SPOCK1: variants seen among roughly 807,000 people sequenced by gnomAD.
SPOCK1 encodes testican-1.
A neutral mutation model predicts 55.3 loss-of-function variants in SPOCK1; 23 were observed. The observed-to-expected ratio is 0.42, with a 90% CI of 0.30 to 0.59. SPOCK1 has a LOEUF of 0.59. Among genes scored for constraint, SPOCK1 ranks in the 20% least tolerant of loss-of-function variants. The pLI is 0.22. For synonymous variants in SPOCK1, 226 were observed against 221.0 expected (o/e 1.02, Z -0.20); for missense variants, 499 against 552.5 (o/e 0.90, Z 0.97).
chr5:137,460,118 T>A (rs929664151), intron 2 of SPOCK1, among the ~76,000 whole-genome samples: 1 of 152,126 alleles, frequency 6.6e-6, no homozygotes, highest in Non-Finnish European at 1.5e-5. Flanking sequence ...ATTCACTGAA[T>A]TGAATTAGTT....
intron 2 of SPOCK1, among the ~76,000 whole-genome samples, chr5:137,433,310 T>G (rs6896960): frequency 0.016 from 2,371 of 148,814 alleles, 69 homozygotes; most frequent in African/African-American, 0.056. Flanking sequence ...TAGAGGGAAC[T>G]GTACATTAGG....
Position 137,495,925 on chromosome 5 carries a change from AT to A in SPOCK1, c.186+2447del, listed in dbSNP as rs553791579. 6.2e-4 allele frequency among the ~76,000 whole-genome samples: 95 copies of A among 152,254 alleles called. 1 individual carries two copies. Among genetic ancestry groups the A allele is most frequent in the Non-Finnish European group, 1.2e-3 (82 of 68,014 alleles). On this transcript the variant is annotated intron_variant, in intron 2 of 10. Coordinates refer to ENST00000394945, the MANE Select transcript of SPOCK1 (RefSeq NM_004598.4). ...TGGGTGATGAATGAAGAAGTTTGGG[AT>A]TTTTTTGAACATTTTTAGATGTTTT...
intron 6 of SPOCK1, among the ~76,000 whole-genome samples, chr5:137,021,163 A>G (rs983855434): frequency 7.2e-5 from 11 of 152,260 alleles, no homozygotes; most frequent in African/African-American, 2.6e-4. Flanking sequence ...CATCAAAAGT[A>G]TATGTTCTTG....
intron 3 of SPOCK1, among the ~76,000 whole-genome samples, chr5:137,246,981 C>T (rs1047999769): frequency 3.3e-5 from 5 of 152,204 alleles, no homozygotes; most frequent in Admixed American, 2.6e-4. Flanking sequence ...ATCAGCATTA[C>T]AGCACATACC....
chr5:136,988,376 C>T, intron 8 of SPOCK1, 46 bp downstream of exon 8: 2 of 1,544,438 alleles, frequency 1.3e-6, no homozygotes, highest in Non-Finnish European at 1.8e-6. Flanking sequence ...TCTGCTCCAG[C>T]AAGGCTGCCC....
intron 6 of SPOCK1, among the ~76,000 whole-genome samples, chr5:137,014,203 C>T (rs908077176): frequency 6.6e-6 from 1 of 152,056 alleles, no homozygotes; most frequent in Non-Finnish European, 1.5e-5. Context: ...CTGTTTTTGC[C>T]ATGGGATATG....
At chr5:137,271,282 G>A (rs1320470982) in intron 2 of SPOCK1, among the ~76,000 whole-genome samples, 1 of 151,116 alleles carries the variant, frequency 6.6e-6, no homozygotes, top group Non-Finnish European at 1.5e-5. Context: ...TCGATGGCTG[G>A]TGCAAAGGAA....
intron 6 of SPOCK1, among the ~76,000 whole-genome samples, chr5:137,013,069 CAGAG>C (rs751587702): frequency 6.6e-6 from 1 of 152,016 alleles, no homozygotes. Flanking sequence ...AAGAGAGACA[CAGAG>C]AGAGAGACAG....
chr5:137,186,339 C>T (rs775657211), intron 3 of SPOCK1, among the ~76,000 whole-genome samples: 5 of 152,140 alleles, frequency 3.3e-5, no homozygotes, highest in Non-Finnish European at 5.9e-5. Flanking sequence ...TGCATAGGCC[C>T]GTTTGGGGTA....
At chr5:136,994,783 A>G (rs1751010248) in intron 6 of SPOCK1, among the ~76,000 whole-genome samples, 1 of 151,852 alleles carries the variant, frequency 6.6e-6, no homozygotes, top group Non-Finnish European at 1.5e-5. Context: ...GAGGCAGTGG[A>G]TCACCTGAGG....
chr5:137,354,430 C>A (rs1199211533), intron 2 of SPOCK1, among the ~76,000 whole-genome samples: 3 of 152,088 alleles, frequency 2.0e-5, no homozygotes, highest in Non-Finnish European at 4.4e-5. Context: ...TCCCTTGACC[C>A]CCCCAGGCAG....
At chr5:137,453,542 T>A (rs1753299401) in intron 2 of SPOCK1, among the ~76,000 whole-genome samples, 1 of 152,302 alleles carries the variant, frequency 6.6e-6, no homozygotes, top group South Asian at 2.1e-4. Flanking sequence ...TTGTCCGCAA[T>A]TTTCTATTTC....
At chr5:137,373,248 C>T (rs1343954782) in intron 2 of SPOCK1, among the ~76,000 whole-genome samples, 1 of 152,176 alleles carries the variant, frequency 6.6e-6, no homozygotes, top group Non-Finnish European at 1.5e-5. Flanking sequence ...ACCAACTGTA[C>T]TGTGAGTAAA....
chr5:137,319,100 A>C (rs542150716), intron 2 of SPOCK1, among the ~76,000 whole-genome samples: 6 of 152,218 alleles, frequency 3.9e-5, no homozygotes, highest in Non-Finnish European at 8.8e-5. Context: ...CCTCAGAGAA[A>C]AGAGGAGGCA....
intron 3 of SPOCK1, among the ~76,000 whole-genome samples, chr5:137,222,216 A>G (rs762296617): frequency 6.6e-6 from 1 of 152,218 alleles, no homozygotes; most frequent in Non-Finnish European, 1.5e-5. Context: ...GAGTACACTA[A>G]GAAGATCTGT....
intron 5 of SPOCK1, among the ~76,000 whole-genome samples, chr5:137,078,950 G>T (rs886766832): frequency 3.3e-5 from 5 of 152,128 alleles, no homozygotes; most frequent in African/African-American, 1.2e-4. Context: ...CCAGAGATCT[G>T]TACCCCACAT....
intron 5 of SPOCK1, among the ~76,000 whole-genome samples, chr5:137,093,700 A>T (rs567906366): frequency 7.9e-5 from 12 of 152,320 alleles, no homozygotes; most frequent in Admixed American, 7.8e-4. Flanking sequence ...CAGTCCCATG[A>T]CAGTCTAGGG....
At chr5:137,146,140 G>A (rs554086290) in intron 3 of SPOCK1, among the ~76,000 whole-genome samples, 1 of 152,298 alleles carries the variant, frequency 6.6e-6, no homozygotes, top group African/African-American at 2.4e-5. Context: ...AGTAAGAACA[G>A]ACACACTACA....
At chr5:137,286,205 A>T (rs886320909) in intron 2 of SPOCK1, among the ~76,000 whole-genome samples, 10 of 152,192 alleles carry the variant, frequency 6.6e-5, no homozygotes, top group African/African-American at 2.4e-4. Context: ...GACAGGATCT[A>T]AATCTAGGTC....
Sources: gnomAD v4.1 joint callset for allele counts (sites outside exome capture counted in the v4.1 genomes callset) on GRCh38, gnomAD v4.1.1 for gene constraint, MANE v1.5 for transcripts, NCBI Gene and HGNC (gene_info 2026-07-23, HGNC 2026-07-21) for gene names.